Variants in PTPRJ observed in about 807,000 individuals in gnomAD.
The protein encoded by PTPRJ is protein tyrosine phosphatase receptor type J.
In PTPRJ, 129 loss-of-function variants were observed where a neutral mutation model predicts 141.3. That is an observed-to-expected ratio of 0.91 (90% CI 0.79 to 1.06). The LOEUF (loss-of-function observed/expected upper bound fraction) is 1.06, where lower values mean the gene tolerates loss of function less well. PTPRJ is among the 50% of genes least tolerant of loss of function. The pLI is 0.00. For missense variants in PTPRJ, 1,601 were observed against 1,679.7 expected, an observed-to-expected ratio of 0.95 and a Z score of 0.82; for synonymous variants, 610 against 640.5, an observed-to-expected ratio of 0.95 and a Z score of 0.72.
At chr11:48,024,925 C>T (rs771801211) in intron 1 of PTPRJ, among the ~76,000 whole-genome samples, 21 of 152,250 alleles carry the variant, frequency 1.4e-4, no homozygotes, top group Non-Finnish European at 2.6e-4. Context: ...GTTTACAGAG[C>T]TCTCGGGTGA....
At chr11:48,082,951 T>A (rs1397466355) in intron 1 of PTPRJ, among the ~76,000 whole-genome samples, 1 of 152,160 alleles carries the variant, frequency 6.6e-6, no homozygotes, top group East Asian at 1.9e-4. Flanking sequence ...AGTGATAATG[T>A]GTGTAAACAG....
rs773071699 is a variant in PTPRJ at position 48,136,085 on chromosome 11, G to A, written c.1662G>A (p.Thr554=). ...FDIHVVYVTT[T]EMWLDWKSPD... is the part of the protein sequence containing the mutation. The stretch of plus-strand genomic sequence containing the variant: ...TCCACGTGGTCTACGTCACCACCAC[G>A]GAGATGTGGCTGGACTGGAAGAGCC... The change falls in exon 9 of 25, where the codon ACG becomes ACA. Residue 554 remains threonine (T), a synonymous_variant. Transcript: ENST00000418331. The A allele has an allele frequency of 2.5e-5, 41 of 1,614,022 alleles. No individual in the cohort carries two copies. The highest frequency in any genetic ancestry group is 1.3e-4 in the African/African-American group (10 of 74,924).
intron 1 of PTPRJ, among the ~76,000 whole-genome samples, chr11:47,990,212 G>A (rs1210201162): frequency 1.3e-5 from 2 of 151,850 alleles, no homozygotes; most frequent in African/African-American, 2.4e-5. Flanking sequence ...AGGTGCAGGC[G>A]GTAAATACTC....
At chr11:48,017,619 C>T (rs900594787) in intron 1 of PTPRJ, among the ~76,000 whole-genome samples, 4 of 152,180 alleles carry the variant, frequency 2.6e-5, no homozygotes, top group Admixed American at 6.5e-5. Flanking sequence ...GCTAGCCACA[C>T]TGAACAAGCC....
At chr11:48,128,308 T>G (rs1250256144) in intron 7 of PTPRJ, among the ~76,000 whole-genome samples, 2 of 152,202 alleles carry the variant, frequency 1.3e-5, no homozygotes, top group South Asian at 2.1e-4. Context: ...GAGGTGAGAT[T>G]AAGCCTCTGG....
At chr11:48,042,268 A>T (rs947641877) in intron 1 of PTPRJ, among the ~76,000 whole-genome samples, 1 of 152,138 alleles carries the variant, frequency 6.6e-6, no homozygotes, top group African/African-American at 2.4e-5. Context: ...AACATGACTG[A>T]TGAGGCTCTG....
intron 1 of PTPRJ, among the ~76,000 whole-genome samples, chr11:47,984,790 C>T (rs1355656679): frequency 2.6e-5 from 4 of 151,538 alleles, no homozygotes; most frequent in East Asian, 1.9e-4. Context: ...AACTCCTGAC[C>T]GTAGGTGATC....
chr11:48,151,027 T>C (rs149030617), intron 18 of PTPRJ, among the ~76,000 whole-genome samples: 11 of 152,366 alleles, frequency 7.2e-5, no homozygotes, highest in Admixed American at 5.2e-4. Flanking sequence ...GTTTTTTCTG[T>C]GTACAGTACA....
chr11:48,063,063 C>T (rs1190890446), intron 1 of PTPRJ, among the ~76,000 whole-genome samples: 1 of 152,212 alleles, frequency 6.6e-6, no homozygotes, highest in Non-Finnish European at 1.5e-5. Context: ...TGCAGTGGCT[C>T]ATGCCTGTAA....
rs779058301 is a variant in PTPRJ, at chr11:48,167,355, T to A, written c.4007T>A (p.Ile1336Asn). Reference sequence around the variant, plus strand: ...ACATTTGGAAAGACCAATGGTTACATCGCCTAATTCCAAAGGAATAACCTT... The same window carrying A: ...ACATTTGGAAAGACCAATGGTTACAACGCCTAATTCCAAAGGAATAACCTT... The part of the protein sequence containing the change: ...VTTFGKTNGY[I>N]A Residue 1336 changes from isoleucine (I) to asparagine (N), a missense_variant, in exon 25 of 25, where the codon ATC becomes AAC. By Grantham distance (149) the Ile-to-Asn change is moderately radical (BLOSUM62 -3). Transcript: ENST00000418331. 5.2e-5 allele frequency: 84 copies of A among 1,613,922 alleles called. No individual in the cohort carries two copies. Among genetic ancestry groups the A allele is most frequent in the Non-Finnish European group, 6.9e-5 (81 of 1,179,966 alleles).
intron 1 of PTPRJ, among the ~76,000 whole-genome samples, chr11:48,101,365 G>A (rs927789716): frequency 9.2e-5 from 14 of 152,090 alleles, no homozygotes; most frequent in Admixed American, 2.6e-4. Flanking sequence ...TGGGGTGGTC[G>A]TTTGACTGTG....
intron 1 of PTPRJ, among the ~76,000 whole-genome samples, chr11:47,999,037 C>T (rs142870391): frequency 6.2e-4 from 94 of 152,320 alleles, no homozygotes; most frequent in Middle Eastern, 3.4e-3. Flanking sequence ...TTAAAAGGAT[C>T]ATCCCCTCAA....
chr11:48,036,625 T>C (rs1379902541), intron 1 of PTPRJ, among the ~76,000 whole-genome samples: 3 of 152,230 alleles, frequency 2.0e-5, no homozygotes. Flanking sequence ...TTTTTTCTTC[T>C]TTTGCTGTTG....
chr11:48,118,258 AT>A (rs1721582693), intron 3 of PTPRJ, among the ~76,000 whole-genome samples: 1 of 151,994 alleles, frequency 6.6e-6, no homozygotes, highest in Admixed American at 6.6e-5. Flanking sequence ...AACTTTTAAA[AT>A]TTTTTTGTAG....
chr11:48,029,126 A>T (rs1194359253), intron 1 of PTPRJ, among the ~76,000 whole-genome samples: 1 of 152,160 alleles, frequency 6.6e-6, no homozygotes, highest in Admixed American at 6.5e-5. Context: ...TGCTGCCGGG[A>T]GTGCAGTGGA....
chr11:47,983,236 C>CGTAT (rs372626926), intron 1 of PTPRJ, among the ~76,000 whole-genome samples: 19 of 151,972 alleles, frequency 1.3e-4, no homozygotes, highest in African/African-American at 4.6e-4. Context: ...ATGATAGGGA[C>CGTAT]GTATCACTGT....
At chr11:48,095,722 A>G (rs1371783027) in intron 1 of PTPRJ, among the ~76,000 whole-genome samples, 2 of 152,028 alleles carry the variant, frequency 1.3e-5, no homozygotes, top group Non-Finnish European at 2.9e-5. Context: ...CTGGGATTGC[A>G]GGTGCACGCC....
intron 1 of PTPRJ, among the ~76,000 whole-genome samples, chr11:47,991,712 G>A (rs1565246744): frequency 6.6e-6 from 1 of 152,092 alleles, no homozygotes; most frequent in Non-Finnish European, 1.5e-5. Flanking sequence ...CTTAGTGCAC[G>A]GGCTTTGGAG....
intron 1 of PTPRJ, among the ~76,000 whole-genome samples, chr11:47,991,017 G>A (rs1166342491): frequency 1.3e-5 from 2 of 151,736 alleles, no homozygotes; most frequent in Admixed American, 6.6e-5. Context: ...ACCGCGCCCG[G>A]CCCCATGAAA....
Sources: allele counts gnomAD v4.1 joint callset (sites outside exome capture counted in the v4.1 genomes callset), GRCh38; gene constraint gnomAD v4.1.1; transcripts MANE v1.5; gene names NCBI Gene and HGNC (gene_info 2026-07-23, HGNC 2026-07-21).